The following NRDC variants were observed in gnomAD, a reference collection of about 807,000 sequenced individuals.
The protein encoded by NRDC is nardilysin convertase.
NRDC carries 54 observed loss-of-function variants against 147.1 expected under a neutral mutation model. The ratio of observed to expected loss-of-function variants is 0.37; its 90% CI spans 0.29 to 0.46. NRDC has a LOEUF of 0.46. Ranked by LOEUF, NRDC falls within the 20% of genes least tolerant of loss-of-function variation. The pLI is 1.00. For missense variants in NRDC, 1,082 were observed against 1,370.6 expected, an observed-to-expected ratio of 0.79 and a Z score of 3.33; for synonymous variants, 440 against 482.1, an observed-to-expected ratio of 0.91 and a Z score of 1.14.
intron 25 of NRDC, 23 bp downstream of exon 25, chr1:51,792,354 C>T (rs1449668629): frequency 6.2e-7 from 1 of 1,613,334 alleles, no homozygotes; most frequent in Admixed American, 1.7e-5. Flanking sequence ...CTGAAAACCT[C>T]AGCATCTCCT....
chr1:51,860,947 ACTT>A (rs1339849601), intron 1 of NRDC, among the ~76,000 whole-genome samples: 7 of 149,842 alleles, frequency 4.7e-5, no homozygotes, highest in Admixed American at 2.0e-4. Context: ...AAGTGGTATT[ACTT>A]CTTTTTTTTT....
intron 1 of NRDC, among the ~76,000 whole-genome samples, chr1:51,863,024 A>AC (rs1682623691): frequency 6.7e-6 from 1 of 149,604 alleles, no homozygotes; most frequent in Non-Finnish European, 1.5e-5. Flanking sequence ...AAAAAAAAAA[A>AC]AAAAAAAAAA....
intron 14 of NRDC, 117 bp downstream of exon 14, chr1:51,813,918 C>A: frequency 1.4e-6 from 1 of 725,114 alleles, no homozygotes; most frequent in Non-Finnish European, 2.4e-6. Flanking sequence ...TGGAGACTCA[C>A]ATGACACAGA....
chr1:51,792,304 C>G, intron 25 of NRDC, 73 bp downstream of exon 25: 5 of 1,506,884 alleles, frequency 3.3e-6, no homozygotes, highest in Non-Finnish European at 4.6e-6. Context: ...GTCCCTAACC[C>G]AGGCAGAAAA....
intron 27 of NRDC, 70 bp from the exon 28 acceptor site, chr1:51,791,060 C>G: frequency 1.8e-6 from 2 of 1,106,616 alleles, no homozygotes. Flanking sequence ...AACCCGATCT[C>G]AGGCAGAAGG....
intron 1 of NRDC, among the ~76,000 whole-genome samples, chr1:51,852,726 CTATAAA>C (rs1171634754): frequency 6.6e-6 from 1 of 151,972 alleles, no homozygotes; most frequent in Non-Finnish European, 1.5e-5. Flanking sequence ...TCACACTGAA[CTATAAA>C]TATAATTGCC....
At chr1:51,862,903 G>A (rs1426716575) in intron 1 of NRDC, among the ~76,000 whole-genome samples, 2 of 151,010 alleles carry the variant, frequency 1.3e-5, no homozygotes, top group Admixed American at 1.3e-4. Context: ...CCAGCTACTC[G>A]GGAGGCTGAG....
At chr1:51,795,034 G>T (rs536484905) in intron 22 of NRDC, 180 bp from the exon 23 acceptor site, 1 of 1,471,466 alleles carries the variant, frequency 6.8e-7, no homozygotes, top group African/African-American at 1.4e-5. Flanking sequence ...GATTGTGTTT[G>T]TGGAACACTA....
chr1:51,795,285 A>T (rs1437260478), intron 22 of NRDC: 1 of 1,104,948 alleles, frequency 9.1e-7, no homozygotes, highest in South Asian at 1.3e-5. Flanking sequence ...CTGTTTTCTT[A>T]TCTATAAAAT....
In NRDC at chr1:51,790,816, A is replaced by T; in HGVS notation, c.3051+84T>A. ...AGGAAGGTGGGGCTGCAAAGCTCAA[A>T]AACTGGCCGGCGAAGCCCTGTTAAG... On this transcript the variant is annotated intron_variant, in intron 28 of 30. Coordinates refer to ENST00000352171, the MANE Select transcript of NRDC (RefSeq NM_001101662.2). 2.5e-6 allele frequency: 3 copies of T among 1,212,088 alleles called. No individual in the cohort carries two copies. In the South Asian group the frequency reaches 3.9e-5, roughly 16 times the overall value. 75.1% of individuals were successfully genotyped at this position (1,212,088 alleles called of 1,614,324 possible). A position where few individuals can be genotyped will look rare whatever the true frequency, so the allele number is the denominator to read the frequency against.
rs762615163 is a variant in NRDC at position 51,814,600 on chromosome 1, T to C, written c.1570A>G (p.Thr524Ala). ...GYEHFYEVAY[T>A]VFQYLKMLQK... ...AGCATTTTTAAATACTGAAAGACAG[T>C]GTAAGCAACCTGAAAACAAAACATC... The change falls in exon 13 of 31, where the codon ACT (threonine) becomes GCT (alanine). Residue 524 changes from threonine to alanine, a missense_variant. By Grantham distance (58) the Thr-to-Ala change is moderately conservative (BLOSUM62 0). This residue lies in a region of NRDC where 635 missense variants were observed against 923.8 expected (regional missense o/e 0.69). Coordinates refer to ENST00000352171, the MANE Select transcript of NRDC (RefSeq NM_001101662.2). 4 of 1,613,188 alleles carry C rather than the reference T, an allele frequency of 2.5e-6. No homozygotes were observed. The highest frequency in any genetic ancestry group is 1.7e-5 in the Admixed American group (1 of 59,948).
Position 51,790,616 on chromosome 1 carries a change from C to A in NRDC, c.3085G>T (p.Asp1029Tyr). 6.2e-7 allele frequency: 1 copy of A among 1,613,758 alleles called. No homozygotes were observed. The highest frequency in any genetic ancestry group is 8.5e-7 in the Non-Finnish European group (1 of 1,179,646). Residue 1029 changes from aspartate to tyrosine, a missense_variant, in exon 29 of 31, where the codon GAT becomes TAT. Asp to Tyr is a radical substitution (Grantham distance 160, BLOSUM62 -3). Coordinates refer to ENST00000352171, the MANE Select transcript of NRDC (RefSeq NM_001101662.2). Reference protein sequence around the residue: ...TALIKLKECEDTHLGEEVDRN... With the variant: ...TALIKLKECEYTHLGEEVDRN... ...TCCACCTCCTCCCCAAGGTGGGTAT[C>A]CTCACACTCCTTCAGCTTGATGAGA...
At chr1:51,828,698 T>G (rs1482027705) in intron 4 of NRDC, among the ~76,000 whole-genome samples, 1 of 149,558 alleles carries the variant, frequency 6.7e-6, no homozygotes, top group Admixed American at 6.9e-5. Context: ...AAAAATTAAT[T>G]TCCTAAAATG....
Position 51,790,536 on chromosome 1 carries a change from G to A in NRDC, c.3165C>T (p.His1055=), listed in dbSNP as rs762253355. Residue 1055 remains histidine (H), a synonymous_variant, in exon 29 of 31, where the codon CAC becomes CAT. Transcript: ENST00000352171. ...TQQYLFDRLA[H]EIEALKSFSK... ...CTTACTCTGAAAACCATGTTACCTCGTGGGCAAGGCGGTCAAAGAGGTACT... is the reference window on the plus strand; with the variant it reads ...CTTACTCTGAAAACCATGTTACCTCATGGGCAAGGCGGTCAAAGAGGTACT... 3.7e-5 allele frequency: 59 copies of A among 1,605,210 alleles called. No homozygotes were observed. The highest frequency in any genetic ancestry group is 6.7e-5 in the Admixed American group (4 of 59,958).
intron 15 of NRDC, 65 bp downstream of exon 15, chr1:51,811,929 A>G (rs555638054): frequency 3.8e-6 from 4 of 1,045,162 alleles, no homozygotes; most frequent in Non-Finnish European, 5.9e-6. Context: ...TCTTAAATAC[A>G]TCTTCGTACT....
intron 1 of NRDC, among the ~76,000 whole-genome samples, chr1:51,877,631 T>C (rs180887728): frequency 6.6e-6 from 1 of 152,320 alleles, no homozygotes; most frequent in Non-Finnish European, 1.5e-5. Context: ...AGAGAACTCC[T>C]GTACAAACCA....
intron 4 of NRDC, among the ~76,000 whole-genome samples, chr1:51,833,672 G>A (rs1437052098): frequency 6.6e-6 from 1 of 152,000 alleles, no homozygotes; most frequent in Non-Finnish European, 1.5e-5. Flanking sequence ...GCAGTGGTGT[G>A]ACTGTAGCTC....
intron 20 of NRDC, among the ~76,000 whole-genome samples, chr1:51,801,699 T>C (rs12759081): frequency 0.07 from 10,600 of 152,212 alleles, 493 homozygotes; most frequent in African/African-American, 0.13. Context: ...ATAGAGATGA[T>C]TGTGGATTAT....
At chr1:51,842,441 T>G (rs1216193667) in intron 1 of NRDC, among the ~76,000 whole-genome samples, 1 of 152,064 alleles carries the variant, frequency 6.6e-6, no homozygotes, top group Non-Finnish European at 1.5e-5. Context: ...GATCAATAAA[T>G]AAGAGCAAAG....
Sources: allele counts gnomAD v4.1 joint callset (sites outside exome capture counted in the v4.1 genomes callset), GRCh38; gene constraint gnomAD v4.1.1; regional missense constraint gnomAD v4.1.1; transcripts MANE v1.5; gene names NCBI Gene and HGNC (gene_info 2026-07-23, HGNC 2026-07-21).